GARIN1A: variants seen among roughly 807,000 people sequenced by gnomAD.
GARIN1A encodes the protein golgi associated RAB2 interactor 1A, also known as Golgi-associated RAB2 interactor protein 1A.
the GARIN1A span, among the ~76,000 whole-genome samples, chr7:128,681,802 C>T: frequency 1.1e-4 from 16 of 151,990 alleles, no homozygotes; most frequent in Admixed American, 7.9e-4. Context: ...CACAGCTGGC[C>T]AGGAGCTTTC....
At chr7:128,689,353 G>A in the GARIN1A span, among the ~76,000 whole-genome samples, 3 of 152,050 alleles carry the variant, frequency 2.0e-5, no homozygotes, top group South Asian at 4.2e-4. Context: ...TCTAGGAACT[G>A]AGGAGCATCT....
the GARIN1A span, chr7:128,680,067 G>C: frequency 3.2e-6 from 5 of 1,580,306 alleles, no homozygotes; most frequent in South Asian, 4.7e-5. Flanking sequence ...CCAGCCCAGC[G>C]AGCCCCTCGT....
chr7:128,686,771 G>C, the GARIN1A span: 4 of 152,352 alleles, frequency 2.6e-5, no homozygotes, highest in East Asian at 7.7e-4. Flanking sequence ...AGCTACTCAG[G>C]AGGCTGAGGC....
chr7:128,699,476 C>T, the GARIN1A span, among the ~76,000 whole-genome samples: 1 of 152,154 alleles, frequency 6.6e-6, no homozygotes, highest in Non-Finnish European at 1.5e-5. Flanking sequence ...TTGCACTCTC[C>T]TGATTTATAA....
the GARIN1A span, among the ~76,000 whole-genome samples, chr7:128,691,932 C>G: frequency 1.3e-5 from 2 of 152,200 alleles, no homozygotes; most frequent in Non-Finnish European, 2.9e-5. Flanking sequence ...GTAACGTGAG[C>G]AGGAACATCA....
At chr7:128,672,250 A>G in the GARIN1A span, 4 of 586,010 alleles carry the variant, frequency 6.8e-6, no homozygotes, top group African/African-American at 7.7e-5. Flanking sequence ...GTGAGCTGAC[A>G]GGCCCTCCCA....
the GARIN1A span, chr7:128,682,957 C>T: frequency 1.7e-5 from 27 of 1,571,594 alleles, no homozygotes; most frequent in Middle Eastern, 1.7e-4. Flanking sequence ...TCCCTGGGCT[C>T]CTACAGGAAC....
the GARIN1A span, among the ~76,000 whole-genome samples, chr7:128,698,584 C>T: frequency 6.6e-6 from 1 of 152,134 alleles, no homozygotes; most frequent in East Asian, 1.9e-4. Flanking sequence ...AAATCTCCCT[C>T]ATTTGTATTT....
At chr7:128,687,803 A>G in the GARIN1A span, 1 of 152,202 alleles carries the variant, frequency 6.6e-6, no homozygotes, top group African/African-American at 2.4e-5. Context: ...TGGGGGACAG[A>G]GCAACTGGTA....
the GARIN1A span, chr7:128,687,283 G>C: frequency 6.6e-6 from 1 of 152,188 alleles, no homozygotes; most frequent in Non-Finnish European, 1.5e-5. Flanking sequence ...TGTCATAACA[G>C]ATGCCATTTT....
At chr7:128,706,558 C>A in the GARIN1A span, among the ~76,000 whole-genome samples, 6 of 152,086 alleles carry the variant, frequency 3.9e-5, no homozygotes, top group Non-Finnish European at 8.8e-5. Context: ...CAGTCTACCA[C>A]CTCAGGGTTC....
chr7:128,689,720 C>A, the GARIN1A span, among the ~76,000 whole-genome samples: 1 of 140,684 alleles, frequency 7.1e-6, no homozygotes, highest in Non-Finnish European at 1.6e-5. Context: ...CGCCCGGCAG[C>A]CACCCCGTCC....
the GARIN1A span, among the ~76,000 whole-genome samples, chr7:128,698,942 A>G: frequency 2.0e-5 from 3 of 152,124 alleles, no homozygotes; most frequent in East Asian, 5.8e-4. Flanking sequence ...GAGGTTCCCT[A>G]CCATGGTCAT....
At chr7:128,675,653 T>G in the GARIN1A span, 28 of 1,612,120 alleles carry the variant, frequency 1.7e-5, no homozygotes, top group Non-Finnish European at 2.3e-5. Context: ...TTCTGACCCA[T>G]GTACCTGAGG....
At chr7:128,690,464 C>G in the GARIN1A span, 1 of 151,848 alleles carries the variant, frequency 6.6e-6, no homozygotes, top group East Asian at 1.9e-4. Flanking sequence ...CTCCAAAACC[C>G]CCTTCTACAC....
chr7:128,688,349 A>C, the GARIN1A span, among the ~76,000 whole-genome samples: 2 of 152,186 alleles, frequency 1.3e-5, no homozygotes, highest in Non-Finnish European at 2.9e-5. Context: ...CAAAACTTCT[A>C]GACCAAACAG....
the GARIN1A span, among the ~76,000 whole-genome samples, chr7:128,705,415 G>A: frequency 2.0e-5 from 3 of 152,146 alleles, no homozygotes; most frequent in East Asian, 5.8e-4. Context: ...TGGGGATGGA[G>A]CCGTGCCGTT....
the GARIN1A span, among the ~76,000 whole-genome samples, chr7:128,689,326 T>G: frequency 6.7e-6 from 1 of 148,950 alleles, no homozygotes. Context: ...GAGCACCTCT[T>G]ACCGGCCGCC....
the GARIN1A span, among the ~76,000 whole-genome samples, chr7:128,678,736 G>A: frequency 2.1e-3 from 312 of 151,402 alleles, 1 homozygote; most frequent in Admixed American, 5.1e-3. Flanking sequence ...GGAAGCAAAG[G>A]TTGCAGTGAG....
Sources: allele counts gnomAD v4.1 joint callset (sites outside exome capture counted in the v4.1 genomes callset), GRCh38; gene constraint gnomAD v4.1.1; transcripts MANE v1.5; gene names NCBI Gene and HGNC (gene_info 2026-07-23, HGNC 2026-07-21).